The following ADGRB3 variants were observed in gnomAD, a reference collection of about 807,000 sequenced individuals.
ADGRB3 encodes the protein brain-specific angiogenesis inhibitor 3.
Under a neutral mutation model 193.4 loss-of-function variants are expected in ADGRB3, and 37 were observed. That is an observed-to-expected ratio of 0.19 (90% CI 0.15 to 0.25). ADGRB3 has a LOEUF of 0.25. Among genes scored for constraint, ADGRB3 ranks in the 10% least tolerant of loss-of-function variants. The pLI is 1.00. For missense variants in ADGRB3, 1,637 were observed against 1,852.9 expected (o/e 0.88, Z 2.14); for synonymous variants, 690 against 644.2 (o/e 1.07, Z -1.08).
rs572392853 is a variant in ADGRB3, at chr6:69,388,919, C to T, written c.*28C>T. 39 of 1,594,326 alleles carry T rather than the reference C, an allele frequency of 2.4e-5. No individual in the cohort carries two copies. In the African/African-American group the frequency reaches 4.7e-4, roughly 19 times the overall value. ...AAATCAAAATGGACTAAGGTAGAGA[C>T]AAAACTTTATTGCACTGACACTTAA... On this transcript the variant is annotated 3_prime_UTR_variant, in exon 32 of 32. Transcript: ENST00000370598.
chr6:68,994,686 G>A (rs1376593353), intron 11 of ADGRB3, among the ~76,000 whole-genome samples: 1 of 152,084 alleles, frequency 6.6e-6, no homozygotes, highest in East Asian at 1.9e-4. Context: ...AGATTCAAAG[G>A]TACTTCTACA....
At chr6:68,766,564 T>A (rs535342030) in intron 3 of ADGRB3, among the ~76,000 whole-genome samples, 4 of 152,156 alleles carry the variant, frequency 2.6e-5, no homozygotes, top group African/African-American at 9.6e-5. Context: ...TGCTAAGACT[T>A]CCTAGATGAG....
At chr6:68,957,820 C>A (rs1768116620) in intron 8 of ADGRB3, among the ~76,000 whole-genome samples, 1 of 152,156 alleles carries the variant, frequency 6.6e-6, no homozygotes, top group Non-Finnish European at 1.5e-5. Flanking sequence ...ATAAAGACTT[C>A]TCACAGTACA....
At chr6:68,645,666 G>A (rs1768192326) in intron 3 of ADGRB3, among the ~76,000 whole-genome samples, 1 of 152,048 alleles carries the variant, frequency 6.6e-6, no homozygotes, top group Admixed American at 6.6e-5. Flanking sequence ...ATAAATGTCA[G>A]TGCTCTTTTC....
chr6:68,860,195 G>GAT (rs978335910), intron 3 of ADGRB3, among the ~76,000 whole-genome samples: 62 of 151,964 alleles, frequency 4.1e-4, no homozygotes, highest in Non-Finnish European at 7.7e-4. Flanking sequence ...GCCTCACACA[G>GAT]ATATATATAT....
At chr6:68,946,561 C>T (rs1184905090) in intron 6 of ADGRB3, among the ~76,000 whole-genome samples, 3 of 152,054 alleles carry the variant, frequency 2.0e-5, no homozygotes, top group African/African-American at 7.2e-5. Flanking sequence ...CATGATATCC[C>T]TAAGCTATCA....
chr6:68,913,550 C>G (rs988019197), intron 3 of ADGRB3, among the ~76,000 whole-genome samples: 4 of 152,134 alleles, frequency 2.6e-5, no homozygotes, highest in Admixed American at 2.6e-4. Context: ...TGTACATCAC[C>G]ATCATCAAAG....
chr6:68,718,206 G>A (rs1044207211), intron 3 of ADGRB3, among the ~76,000 whole-genome samples: 2 of 151,626 alleles, frequency 1.3e-5, no homozygotes, highest in African/African-American at 4.8e-5. Context: ...GATGTGAGTG[G>A]TTCACAAATG....
intron 17 of ADGRB3, among the ~76,000 whole-genome samples, chr6:69,087,479 C>G (rs921711984): frequency 1.3e-5 from 2 of 152,052 alleles, no homozygotes; most frequent in African/African-American, 2.4e-5. Context: ...TATTTTTGCT[C>G]TCATATAAAA....
Position 69,075,992 on chromosome 6 carries a change from T to C in ADGRB3, c.2437-3T>C, listed in dbSNP as rs766013494. On this transcript the variant is annotated splice_polypyrimidine_tract_variant and splice_region_variant and intron_variant, in intron 16 of 31. Coordinates refer to ENST00000370598, the MANE Select transcript of ADGRB3 (RefSeq NM_001704.3). ...ATGCATTCTTTCTCTGCTTTTTTTT[T>C]AGGGTACTTTGAATCCCTATTGTGT... The C allele has an allele frequency of 1.2e-6, 2 of 1,610,586 alleles. No homozygotes were observed. Among genetic ancestry groups the C allele is most frequent in the South Asian group, 2.2e-5 (2 of 90,872 alleles).
intron 19 of ADGRB3, among the ~76,000 whole-genome samples, chr6:69,235,770 T>C (rs1420937914): frequency 6.6e-6 from 1 of 152,012 alleles, no homozygotes; most frequent in African/African-American, 2.4e-5. Context: ...TCTACTGATA[T>C]ATGAAAGCCT....
rs1208156553 is a variant in ADGRB3, at chr6:69,233,200, C to G, written c.2481-90C>G. ...CCTGTACAGGAATTACAGTAGACGA[C>G]TCTCTCAATTAAACTGCATTTTCTT... is the stretch of plus-strand genomic sequence containing the variant. On this transcript the variant is annotated intron_variant, in intron 17 of 31. Transcript: ENST00000370598. 4 of 1,504,856 alleles carry G rather than the reference C, an allele frequency of 2.7e-6. No individual in the cohort carries two copies. In the Admixed American group the frequency reaches 5.9e-5, roughly 22 times the overall value. 93.2% of individuals were successfully genotyped at this position (1,504,856 alleles called of 1,614,324 possible). A position where few individuals can be genotyped will look rare whatever the true frequency, so the allele number is the denominator to read the frequency against.
chr6:68,747,118 T>C (rs1366602797), intron 3 of ADGRB3, among the ~76,000 whole-genome samples: 1 of 152,208 alleles, frequency 6.6e-6, no homozygotes, highest in Non-Finnish European at 1.5e-5. Flanking sequence ...TATAATCACA[T>C]GTAATGCATG....
chr6:68,809,553 T>G (rs1582219317), intron 3 of ADGRB3, among the ~76,000 whole-genome samples: 1 of 152,334 alleles, frequency 6.6e-6, no homozygotes, highest in East Asian at 1.9e-4. Flanking sequence ...CTTTATGTCT[T>G]CTGAGATTAT....
At chr6:69,244,619 T>G (rs1243560255) in intron 20 of ADGRB3, among the ~76,000 whole-genome samples, 1 of 152,076 alleles carries the variant, frequency 6.6e-6, no homozygotes, top group Non-Finnish European at 1.5e-5. Flanking sequence ...GCCCCAGAGA[T>G]TCAGTGTTCT....
intron 3 of ADGRB3, among the ~76,000 whole-genome samples, chr6:68,654,267 G>A (rs1422430893): frequency 6.6e-6 from 1 of 151,974 alleles, no homozygotes; most frequent in Non-Finnish European, 1.5e-5. Flanking sequence ...GACTCTGTGA[G>A]TTACTTAGTG....
At chr6:69,244,080 T>G (rs1008257001) in intron 20 of ADGRB3, among the ~76,000 whole-genome samples, 2 of 151,990 alleles carry the variant, frequency 1.3e-5, no homozygotes, top group African/African-American at 2.4e-5. Flanking sequence ...CTTAGCATTA[T>G]TTAGGAGGAA....
chr6:69,162,231 A>G (rs1460039752), intron 17 of ADGRB3, among the ~76,000 whole-genome samples: 2 of 152,128 alleles, frequency 1.3e-5, no homozygotes, highest in African/African-American at 4.8e-5. Flanking sequence ...AACGACTTTT[A>G]TCTTTAGATA....
chr6:68,987,194 A>C (rs3798990), intron 10 of ADGRB3, among the ~76,000 whole-genome samples: 15,795 of 152,176 alleles, frequency 0.1, 1,642 homozygotes, highest in East Asian at 0.56. Flanking sequence ...GAAAATTACA[A>C]AAAACCTTTC....
Sources: allele counts gnomAD v4.1 joint callset (sites outside exome capture counted in the v4.1 genomes callset), GRCh38; gene constraint gnomAD v4.1.1; transcripts MANE v1.5; gene names NCBI Gene and HGNC (gene_info 2026-07-23, HGNC 2026-07-21).